Variants in NCAM2 observed in about 807,000 individuals in gnomAD.
The protein encoded by NCAM2 is neural cell adhesion molecule 2, also known as N-CAM-2.
NCAM2 carries 30 observed loss-of-function variants against 98.1 expected under a neutral mutation model. The observed-to-expected ratio is 0.31, with a 90% confidence interval of 0.23 to 0.41. The LOEUF is 0.41. Among genes scored for constraint, NCAM2 ranks in the 10% least tolerant of loss-of-function variants. The pLI is 1.00. For synonymous variants in NCAM2, 368 were observed against 342.4 expected (o/e 1.07, Z -0.83); for missense variants, 867 against 1,005.8 (o/e 0.86, Z 1.87).
Position 21,362,044 on chromosome 21 carries a change from A to T in NCAM2, c.1045-11819A>T, listed in dbSNP as rs138624063. Among the ~76,000 whole-genome samples, 690 of 152,172 alleles carry T rather than the reference A, an allele frequency of 4.5e-3. 1 individual carries two copies. The highest frequency in any genetic ancestry group is 6.8e-3 in the Non-Finnish European group (459 of 67,990). On this transcript the variant is annotated intron_variant, in intron 8 of 17. Coordinates refer to ENST00000400546, the MANE Select transcript of NCAM2 (RefSeq NM_004540.5). ...CCTACTTTAAATATATCCATAATTC[A>T]ATTACTTTTCAACAACCAGCTGTTA...
rs141203321 is a variant in NCAM2, at chr21:21,292,833, C to A, written c.619+592C>A. 2.6e-4 allele frequency among the ~76,000 whole-genome samples: 40 copies of A among 151,936 alleles called. No individual in the cohort carries two copies. The East Asian group carries it at 7.6e-3, about 29-fold the overall frequency. ...CATTTTCACACTGCTATAAAGAATA[C>A]TCGAGACTGAGTAATTTATAAAGAA... is the stretch of plus-strand genomic sequence containing the variant. On this transcript the variant is annotated intron_variant, in intron 5 of 17. Coordinates refer to ENST00000400546, the MANE Select transcript of NCAM2 (RefSeq NM_004540.5).
At chr21:21,452,263 A>G (rs897503202) in intron 12 of NCAM2, among the ~76,000 whole-genome samples, 2 of 150,786 alleles carry the variant, frequency 1.3e-5, no homozygotes, top group African/African-American at 4.9e-5. Flanking sequence ...GTATATATAC[A>G]TACATATTCT....
chr21:21,224,522 T>G (rs2070302449), intron 1 of NCAM2, among the ~76,000 whole-genome samples: 1 of 152,170 alleles, frequency 6.6e-6, no homozygotes, highest in South Asian at 2.1e-4. Flanking sequence ...CATATAAATA[T>G]ATGTTAAATA....
chr21:21,013,803 A>G (rs926872865), intron 1 of NCAM2, among the ~76,000 whole-genome samples: 4 of 152,096 alleles, frequency 2.6e-5, no homozygotes, highest in African/African-American at 9.7e-5. Context: ...AAGAAAATAA[A>G]AAAGAAATTG....
intron 8 of NCAM2, among the ~76,000 whole-genome samples, chr21:21,363,056 G>C (rs931386593): frequency 3.3e-5 from 5 of 152,098 alleles, no homozygotes; most frequent in African/African-American, 1.2e-4. Context: ...TAAATTTTTA[G>C]TAGCATATTC....
At chr21:21,265,661 A>T (rs1259461464) in intron 1 of NCAM2, among the ~76,000 whole-genome samples, 2 of 151,720 alleles carry the variant, frequency 1.3e-5, no homozygotes, top group Admixed American at 6.6e-5. Context: ...ACTCAGAAAC[A>T]GAAAAACAAA....
chr21:21,448,236 C>T (rs77631237), intron 12 of NCAM2, among the ~76,000 whole-genome samples: 2,757 of 152,078 alleles, frequency 0.018, 70 homozygotes, highest in East Asian at 0.08. Flanking sequence ...GAGAACATGT[C>T]CTTTGCAGGG....
intron 2 of NCAM2, among the ~76,000 whole-genome samples, chr21:21,282,550 C>T (rs1285323537): frequency 6.6e-6 from 1 of 151,596 alleles, no homozygotes; most frequent in African/African-American, 2.4e-5. Context: ...GCAAGCCACT[C>T]TGCTTGTATG....
At chr21:21,272,493 C>T (rs572279268) in intron 1 of NCAM2, among the ~76,000 whole-genome samples, 2 of 89,644 alleles carry the variant, frequency 2.2e-5, no homozygotes, top group African/African-American at 8.9e-5. Flanking sequence ...CACATACACA[C>T]ACATGCGCGC....
chr21:21,098,832 G>A (rs2146478987), intron 1 of NCAM2, among the ~76,000 whole-genome samples: 1 of 151,884 alleles, frequency 6.6e-6, no homozygotes, highest in South Asian at 2.1e-4. Flanking sequence ...AAAAAATTCA[G>A]TTTTGTTCAG....
intron 1 of NCAM2, among the ~76,000 whole-genome samples, chr21:21,144,560 A>G (rs1240301649): frequency 1.3e-4 from 14 of 107,026 alleles, no homozygotes; most frequent in Non-Finnish European, 1.0e-4. Flanking sequence ...CAAGGTCTCA[A>G]TTTCCTAAAA....
At chr21:21,142,464 C>T (rs1219000605) in intron 1 of NCAM2, among the ~76,000 whole-genome samples, 1 of 144,116 alleles carries the variant, frequency 6.9e-6, no homozygotes, top group Non-Finnish European at 1.5e-5. Context: ...CTGCAAGCTC[C>T]GCCTTCTGGG....
intron 12 of NCAM2, among the ~76,000 whole-genome samples, chr21:21,459,261 T>A (rs1275971139): frequency 1.3e-5 from 2 of 151,840 alleles, no homozygotes; most frequent in Non-Finnish European, 2.9e-5. Flanking sequence ...GGGAAAATAG[T>A]ATGACATTTC....
At chr21:21,206,161 G>T (rs909315635) in intron 1 of NCAM2, among the ~76,000 whole-genome samples, 3 of 152,110 alleles carry the variant, frequency 2.0e-5, no homozygotes, top group Non-Finnish European at 2.9e-5. Flanking sequence ...TCAGAGTAGC[G>T]TGTGGGAGAT....
intron 15 of NCAM2, among the ~76,000 whole-genome samples, chr21:21,496,028 T>G (rs1220293063): frequency 6.7e-6 from 1 of 148,528 alleles, no homozygotes; most frequent in African/African-American, 2.4e-5. Context: ...ATATATAAAA[T>G]ATATATATGA....
rs1990132361 is a variant in NCAM2 at position 21,539,198 on chromosome 21, T to G, written c.*1241T>G. ...TAGGGTTATACCAGAATAAAATGCTTCTTTACTTCCAAGCTATGCAAGCTC... is the reference window on the plus strand; with the variant it reads ...TAGGGTTATACCAGAATAAAATGCTGCTTTACTTCCAAGCTATGCAAGCTC... On this transcript the variant is annotated 3_prime_UTR_variant, in exon 18 of 18. Coordinates refer to ENST00000400546, the MANE Select transcript of NCAM2 (RefSeq NM_004540.5). 1 of 152,202 alleles carries G rather than the reference T, an allele frequency of 6.6e-6. No individual in the cohort carries two copies. The highest frequency in any genetic ancestry group is 1.5e-5 in the Non-Finnish European group (1 of 68,036). The allele number at this position is 152,202 out of a possible 1,614,324, so 9.4% of individuals were successfully genotyped here.
At chr21:21,430,234 A>G (rs2077302257) in intron 11 of NCAM2, among the ~76,000 whole-genome samples, 1 of 151,398 alleles carries the variant, frequency 6.6e-6, no homozygotes, top group South Asian at 2.1e-4. Context: ...CACCATGTTG[A>G]CCAGGCTGGT....
chr21:21,132,900 C>T (rs575831354), intron 1 of NCAM2, among the ~76,000 whole-genome samples: 10 of 152,236 alleles, frequency 6.6e-5, no homozygotes, highest in African/African-American at 2.2e-4. Context: ...AGGGTAAAAC[C>T]GTTAGACATA....
At chr21:21,432,354 C>T (rs2826833) in intron 12 of NCAM2, 73 bp downstream of exon 12, 751,379 of 1,396,182 alleles carry the variant, frequency 0.54, 202,888 homozygotes, top group Admixed American at 0.64. Flanking sequence ...TTGGCTTTTT[C>T]GGTTTCCTCC....
Sources: gnomAD v4.1 joint callset for allele counts (sites outside exome capture counted in the v4.1 genomes callset) on GRCh38, gnomAD v4.1.1 for gene constraint, MANE v1.5 for transcripts, NCBI Gene and HGNC (gene_info 2026-07-23, HGNC 2026-07-21) for gene names.